Variants in GAPVD1 observed in about 807,000 individuals in gnomAD.
GAPVD1 encodes the protein GTPase-activating protein and VPS9 domain-containing protein 1.
GAPVD1 carries 35 observed loss-of-function variants against 155.5 expected under a neutral mutation model. The ratio of observed to expected loss-of-function variants is 0.23; its 90% CI spans 0.17 to 0.30. GAPVD1 has a LOEUF of 0.30. GAPVD1 is among the 10% of genes least tolerant of loss of function. The pLI, the probability that GAPVD1 is intolerant of heterozygous loss-of-function variation, is 1.00. For synonymous variants in GAPVD1, 636 were observed against 619.7 expected, an observed-to-expected ratio of 1.03 and a Z score of -0.39; for missense variants, 1,429 against 1,775.7, an observed-to-expected ratio of 0.80 and a Z score of 3.51.
chr9:125,290,032 CT>C (rs1247118449), intron 2 of GAPVD1, among the ~76,000 whole-genome samples: 1 of 152,082 alleles, frequency 6.6e-6, no homozygotes, highest in East Asian at 1.9e-4. Flanking sequence ...TCAAATGCTT[CT>C]GTTAGGTCAG....
At chr9:125,344,818 A>AG (rs1262398714) in intron 19 of GAPVD1, among the ~76,000 whole-genome samples, 1 of 152,084 alleles carries the variant, frequency 6.6e-6, no homozygotes, top group Non-Finnish European at 1.5e-5. Flanking sequence ...AAAAAAAAAA[A>AG]AAAAGGCAGT....
chr9:125,289,783 G>C (rs1838290759), intron 2 of GAPVD1, among the ~76,000 whole-genome samples: 1 of 152,188 alleles, frequency 6.6e-6, no homozygotes, highest in Non-Finnish European at 1.5e-5. Flanking sequence ...TTATCACTTT[G>C]ATGGTACTTA....
intron 2 of GAPVD1, among the ~76,000 whole-genome samples, chr9:125,275,108 T>C (rs552852204): frequency 1.3e-5 from 2 of 152,250 alleles, no homozygotes; most frequent in Admixed American, 6.5e-5. Flanking sequence ...CTTTGAGACA[T>C]CTTGTCACCC....
At chr9:125,277,363 AG>A (rs1466242854) in intron 2 of GAPVD1, among the ~76,000 whole-genome samples, 1 of 152,192 alleles carries the variant, frequency 6.6e-6, no homozygotes, top group Non-Finnish European at 1.5e-5. Context: ...ATCTGAGTCA[AG>A]GGACTGTACT....
rs374932322 is a variant in GAPVD1 at position 125,337,969 on chromosome 9, A to G, written c.2877+378A>G. Among the ~76,000 whole-genome samples the G allele has an allele frequency of 9.8e-4, 149 of 152,264 alleles. 4 individuals carry two copies. In the South Asian group the frequency reaches 0.03, roughly 30 times the overall value. On this transcript the variant is annotated intron_variant, in intron 17 of 27. Transcript: ENST00000297933. ...TGGCTTACTGCTACCTCCGCCTCCC[A>G]GGTTCAAGCGATTCCTCTGCCTCAG...
chr9:125,323,463 G>A (rs558864230), intron 10 of GAPVD1, among the ~76,000 whole-genome samples: 17 of 152,130 alleles, frequency 1.1e-4, no homozygotes, highest in Non-Finnish European at 2.2e-4. Context: ...CCGCCACCAC[G>A]CCTGGCTAAA....
Position 125,293,866 on chromosome 9 carries a change from A to AT in GAPVD1, c.-149-1591dup, listed in dbSNP as rs1554757135. ...AAAAATATATTTTATATATATATATATATATATATATATATATATATATAT... is the reference window on the plus strand; with the variant it reads ...AAAAATATATTTTATATATATATATATTATATATATATATATATATATATAT... On this transcript the variant is annotated intron_variant, in intron 2 of 27. Coordinates refer to ENST00000297933, the MANE Select transcript of GAPVD1 (RefSeq NM_001282680.3). Among the ~76,000 whole-genome samples the AT allele has an allele frequency of 4.6e-4, 8 of 17,540 alleles. 1 individual carries two copies. The highest frequency in any genetic ancestry group is 2.7e-3 in the South Asian group (2 of 746). 11.5% of individuals were successfully genotyped at this position (17,540 alleles called of 152,430 possible). A position where few individuals can be genotyped will look rare whatever the true frequency, so the allele number is the denominator to read the frequency against.
intron 2 of GAPVD1, among the ~76,000 whole-genome samples, chr9:125,284,802 C>T (rs1351275347): frequency 6.6e-6 from 1 of 152,164 alleles, no homozygotes; most frequent in Non-Finnish European, 1.5e-5. Context: ...ACCTGTATAG[C>T]ATGTTACTGT....
chr9:125,355,972 T>C lies in GAPVD1; in HGVS notation c.3971+115T>C, dbSNP rs180944387. On this transcript the variant is annotated intron_variant, in intron 25 of 27. Transcript: ENST00000297933. ...GTGTCTGATTGTAAAAGGAAATTCA[T>C]TGGTTACCATTTTTCACCTGTCAGA... 7.0e-5 allele frequency: 46 copies of C among 653,648 alleles called. 1 individual carries two copies. Among genetic ancestry groups the C allele is most frequent in the Middle Eastern group, 7.7e-4 (2 of 2,606 alleles). The allele number at this position is 653,648 out of a possible 1,614,324, so 40.5% of individuals were successfully genotyped here.
chr9:125,268,117 T>C (rs1834274580), intron 1 of GAPVD1, among the ~76,000 whole-genome samples: 1 of 150,684 alleles, frequency 6.6e-6, no homozygotes, highest in Admixed American at 6.6e-5. Flanking sequence ...TGAGCCGAGA[T>C]CACGCCACTG....
chr9:125,340,719 G>A (rs1056364379), intron 17 of GAPVD1, among the ~76,000 whole-genome samples: 2 of 151,998 alleles, frequency 1.3e-5, no homozygotes, highest in Non-Finnish European at 2.9e-5. Context: ...TAAGGCTTCA[G>A]TTTATTAACA....
intron 10 of GAPVD1, 72 bp from the exon 11 acceptor site, chr9:125,323,726 A>G: frequency 6.9e-7 from 1 of 1,438,922 alleles, no homozygotes; most frequent in South Asian, 1.2e-5. Context: ...GTCTTTTATC[A>G]AGGCATGAAA....
At chr9:125,312,687 G>T in intron 9 of GAPVD1, 75 bp downstream of exon 9, 1 of 1,078,566 alleles carries the variant, frequency 9.3e-7, no homozygotes. Context: ...AACACCAGAG[G>T]TTGGGTGGCT....
intron 17 of GAPVD1, among the ~76,000 whole-genome samples, chr9:125,338,927 ATT>A (rs1491569335): frequency 2.3e-4 from 33 of 140,702 alleles, no homozygotes; most frequent in African/African-American, 8.4e-4. Flanking sequence ...TTTTAAAAAA[ATT>A]TGTGTGTGTG....
chr9:125,333,487 T>A (rs1327719558), intron 15 of GAPVD1, among the ~76,000 whole-genome samples: 1 of 140,820 alleles, frequency 7.1e-6, no homozygotes, highest in Non-Finnish European at 1.5e-5. Flanking sequence ...CCTTTTGTCT[T>A]TTTTTTTTTT....
chr9:125,300,080 T>A lies in GAPVD1; in HGVS notation c.185+974T>A, dbSNP rs866548700. On this transcript the variant is annotated intron_variant, in intron 4 of 27. Transcript: ENST00000297933. ...ATATATATATATATATATATATATA[T>A]ATATATATATATATGTATTTCCATG... Among the ~76,000 whole-genome samples the A allele has an allele frequency of 5.6e-4, 58 of 103,710 alleles. 5 individuals carry two copies. The highest frequency in any genetic ancestry group is 7.1e-4 in the Non-Finnish European group (37 of 52,010). The allele number at this position is 103,710 out of a possible 152,430, so 68.0% of individuals were successfully genotyped here.
chr9:125,283,028 TTTTATTTATTTATTTATTTA>T (rs10649964), intron 2 of GAPVD1, among the ~76,000 whole-genome samples: 4 of 143,380 alleles, frequency 2.8e-5, no homozygotes, highest in African/African-American at 5.2e-5. Context: ...TTATTTTTAT[TTTTATTTATTTATTTATTTA>T]TTTATTTATT....
At position 125,330,198 on chromosome 9, in the gene GAPVD1, A is replaced by C; in HGVS notation, c.2153A>C (p.Glu718Ala). The change falls in exon 13 of 28, where the codon GAG becomes GCG. Residue 718 changes from glutamate to alanine, a missense_variant. Glu to Ala is a moderately radical substitution (Grantham distance 107). This residue lies in a region of GAPVD1 where 699 missense variants were observed against 826.0 expected (regional missense o/e 0.85). Coordinates refer to ENST00000297933, the MANE Select transcript of GAPVD1 (RefSeq NM_001282680.3). Reference protein sequence around the residue: ...SETTSEAWSVEVLPSDSEAPD... With the variant: ...SETTSEAWSVAVLPSDSEAPD... ...ACAACAAGTGAAGCTTGGAGTGTAG[A>C]GGTATTGCCAAGTGACTCAGGTTAG... is the stretch of plus-strand genomic sequence containing the variant. The C allele has an allele frequency of 6.2e-7, 1 of 1,606,900 alleles. No individual in the cohort carries two copies.
At position 125,359,460 on chromosome 9, in the gene GAPVD1, A is replaced by G. The variant is rs1850610620; in HGVS notation, c.4012A>G (p.Thr1338Ala). 2 of 1,594,822 alleles carry G rather than the reference A, an allele frequency of 1.3e-6. No homozygotes were observed. The highest frequency in any genetic ancestry group is 1.7e-6 in the Non-Finnish European group (2 of 1,162,962). Residue 1338 changes from threonine (T) to alanine (A), a missense_variant, in exon 26 of 28, where the codon ACT becomes GCT. By Grantham distance (58) the Thr-to-Ala change is moderately conservative (BLOSUM62 0). Around this residue, in one of 4 missense-constraint regions of GAPVD1, gnomAD observed 102 missense variants for 196.5 expected, o/e 0.52. Coordinates refer to ENST00000297933, the MANE Select transcript of GAPVD1 (RefSeq NM_001282680.3). ...EHIQRLSKVV[T>A]ANHRALQIPE... The stretch of plus-strand genomic sequence containing the variant: ...TATCCAGAGATTGTCTAAAGTAGTG[A>G]CTGCAAATCACAGAGCTCTTCAGAT...
Sources: gnomAD v4.1 joint callset for allele counts (sites outside exome capture counted in the v4.1 genomes callset) on GRCh38, gnomAD v4.1.1 for gene constraint, gnomAD v4.1.1 regional missense constraint, MANE v1.5 for transcripts, NCBI Gene and HGNC (gene_info 2026-07-23, HGNC 2026-07-21) for gene names.